The following MYL5 variants were observed in gnomAD, a reference collection of about 807,000 sequenced individuals.
The protein encoded by MYL5 is myosin light chain 5.
A neutral mutation model predicts 20.8 loss-of-function variants in MYL5; 28 were observed. The observed-to-expected ratio is 1.35, with a 90% CI of 1.00 to 1.84. The LOEUF is 1.84. Ranked by LOEUF, MYL5 falls within the 40% of genes most tolerant of loss-of-function variation. The probability of loss-of-function intolerance (pLI) is 0.00; values close to 1 mark genes in which losing one functional copy is unlikely to be tolerated. For missense variants in MYL5, 274 were observed against 227.3 expected (o/e 1.21, Z -1.32); for synonymous variants, 118 against 87.4 (o/e 1.35, Z -1.95).
chr4:680,629 C>T (rs942636997), intron 5 of MYL5, 42 bp downstream of exon 7: 5 of 1,587,950 alleles, frequency 3.1e-6, no homozygotes, highest in East Asian at 2.2e-5. Flanking sequence ...TTCCGGGGAA[C>T]CCCAGTGATC....
chr4:681,677 GCCGCCCCGCCCCCT>G (rs1739628052), intron 6 of MYL5: 6 of 16,774 alleles, frequency 3.6e-4, no homozygotes, highest in African/African-American at 1.6e-3. Context: ...CCCCTCCAGC[GCCGCCCCGCCCCCT>G]CCAGCGCCGC....
chr4:678,779 G>T lies in MYL5; in HGVS notation c.111+14G>T. 6.2e-7 allele frequency: 1 copy of T among 1,607,870 alleles called. No individual in the cohort carries two copies. The highest frequency in any genetic ancestry group is 2.2e-5 in the East Asian group (1 of 44,728). Reference sequence around the variant, plus strand: ...GAGTTCAAGGAGGTGAGACTTTCCTGCTTCACTGGGAGCCCCCACCCCCAG... The same window carrying T: ...GAGTTCAAGGAGGTGAGACTTTCCTTCTTCACTGGGAGCCCCCACCCCCAG... On this transcript the variant is annotated intron_variant, in intron 2 of 6. Transcript: ENST00000400159.
chr4:678,903 G>T, intron 2 of MYL5, 55 bp from the exon 5 acceptor site: 2 of 1,609,758 alleles, frequency 1.2e-6, no homozygotes, highest in South Asian at 2.2e-5. Flanking sequence ...GGAGCAGGGG[G>T]CGGGGCAGAG....
At chr4:680,999 G>T in intron 5 of MYL5, 93 bp from the exon 8 acceptor site, 6 of 1,417,276 alleles carry the variant, frequency 4.2e-6, no homozygotes, top group Non-Finnish European at 5.8e-6. Flanking sequence ...CAGTGAGCGA[G>T]TACAACCTGG....
At chr4:678,106 C>CAA (rs58342428) in intron 1 of MYL5, 77 bp downstream of exon 3, 302,405 of 1,593,898 alleles carry the variant, frequency 0.19, 30,989 homozygotes, top group African/African-American at 0.39. Context: ...TGCGCACAGA[C>CAA]GAGCGTGGGC....
rs10716 is a variant in MYL5 at position 682,005 on chromosome 4, G to A, written c.*11G>A. The A allele has an allele frequency of 2.1e-6, 3 of 1,423,356 alleles. No homozygotes were observed. The highest frequency in any genetic ancestry group is 3.0e-5 in the African/African-American group (2 of 67,604). The allele number at this position is 1,423,356 out of a possible 1,614,324, so 88.2% of individuals were successfully genotyped here. ...GAGAAGGAGGAGTGAGACCCAGCCG[G>A]GTCAATAAACCTGGACGCTTGGACC... On this transcript the variant is annotated 3_prime_UTR_variant, in exon 7 of 7. Transcript: ENST00000400159.
upstream of MYL5, among the ~76,000 whole-genome samples, chr4:677,511 G>A (rs1738966122): frequency 6.6e-6 from 1 of 152,230 alleles, no homozygotes; most frequent in Admixed American, 6.5e-5. Context: ...TGGTCCCAGG[G>A]CCAAGGCTAT....
upstream of MYL5, chr4:675,021 A>T (rs1388238187): frequency 6.6e-6 from 1 of 152,414 alleles, no homozygotes; most frequent in Admixed American, 6.5e-5. Context: ...ACCAGCCCCC[A>T]ACAGAGGCTG....
exon 2 of MYL5, chr4:678,730 A>C (rs1240564972): frequency 1.9e-6 from 3 of 1,612,082 alleles, no homozygotes; most frequent in East Asian, 2.2e-5. Context: ...TGTCTTCTCC[A>C]ACTTTGAGCA....
rs575005816 is a variant in MYL5, at chr4:680,224, C to T, written c.292+206C>T. Among the ~76,000 whole-genome samples, 21 of 152,308 alleles carry T rather than the reference C, an allele frequency of 1.4e-4. No individual in the cohort carries two copies. In the South Asian group the frequency reaches 2.7e-3, roughly 20 times the overall value. On this transcript the variant is annotated intron_variant, in intron 4 of 6. Transcript: ENST00000400159. ...CTCCTGCCCCACGTGCTGTGTGACC[C>T]GCCGTCGACACCTCTGTCCCTCACT...
At chr4:678,488 A>T in intron 1 of MYL5, 170 bp from the exon 4 acceptor site, 2 of 1,435,374 alleles carry the variant, frequency 1.4e-6, no homozygotes, top group South Asian at 3.0e-5. Flanking sequence ...CCTGCCCCCA[A>T]CCCCAGCTAC....
intron 1 of MYL5, chr4:678,400 C>T (rs1739072856): frequency 1.4e-6 from 2 of 1,418,690 alleles, no homozygotes; most frequent in African/African-American, 2.9e-5. Context: ...CGATCCCTGA[C>T]CACTGTGCTC....
At chr4:679,749 G>A (rs1739254031) in intron 3 of MYL5, among the ~76,000 whole-genome samples, 165 bp from the exon 6 acceptor site, 1 of 152,162 alleles carries the variant, frequency 6.6e-6, no homozygotes, top group African/African-American at 2.4e-5. Context: ...GGTGGACACA[G>A]CCAGCCAGAT....
intron 1 of MYL5, chr4:678,284 T>A: frequency 1.4e-6 from 2 of 1,442,724 alleles, no homozygotes; most frequent in Non-Finnish European, 1.8e-6. Flanking sequence ...CGGAGCAGGA[T>A]GAGGGGGTTC....
At chr4:678,131 G>A (rs1015685357) in intron 1 of MYL5, 102 bp downstream of exon 3, 83 of 1,564,236 alleles carry the variant, frequency 5.3e-5, no homozygotes, top group South Asian at 4.2e-4. Flanking sequence ...CCGTGCTTGC[G>A]TGTGAATGCA....
At chr4:677,971 A>T in exon 1 of MYL5, 1 of 1,613,214 alleles carries the variant, frequency 6.2e-7, no homozygotes, top group Non-Finnish European at 8.5e-7. Context: ...GCAGGAGCTT[A>T]AGATGGGCAA....
upstream of MYL5, chr4:675,669 G>T (rs1738782215): frequency 6.6e-6 from 1 of 152,386 alleles, no homozygotes; most frequent in Non-Finnish European, 1.5e-5. Context: ...ATAGGGCAGG[G>T]GTCCCCAACC....
chr4:678,690 T>C (rs753267640), exon 2 of MYL5: 1 of 1,611,184 alleles, frequency 6.2e-7, no homozygotes, highest in South Asian at 1.1e-5. Context: ...AGGAAGGGGG[T>C]GCCCTCCGGG....
chr4:680,639 C>G, intron 5 of MYL5, 52 bp downstream of exon 7: 1 of 1,574,066 alleles, frequency 6.4e-7, no homozygotes, highest in Non-Finnish European at 8.7e-7. Context: ...CCCCAGTGAT[C>G]TCATCCTGTC....
Sources: allele counts gnomAD v4.1 joint callset (sites outside exome capture counted in the v4.1 genomes callset), GRCh38; gene constraint gnomAD v4.1.1; transcripts MANE v1.5; gene names NCBI Gene and HGNC (gene_info 2026-07-23, HGNC 2026-07-21).